Variants in CSDE1 observed in about 807,000 individuals in gnomAD.
The protein encoded by CSDE1 is cold shock domain-containing protein E1.
Under a neutral mutation model 89.3 loss-of-function variants are expected in CSDE1, and 17 were observed. The ratio of observed to expected loss-of-function variants is 0.19; its 90% confidence interval spans 0.13 to 0.29. The LOEUF is 0.29. Among genes scored for constraint, CSDE1 ranks in the 10% least tolerant of loss-of-function variants. The probability of loss-of-function intolerance (pLI) is 1.00; values close to 1 mark genes in which losing one functional copy is unlikely to be tolerated. For missense variants in CSDE1, 672 were observed against 984.2 expected, an observed-to-expected ratio of 0.68 and a Z score of 4.24; for synonymous variants, 322 against 332.8, an observed-to-expected ratio of 0.97 and a Z score of 0.35.
Position 114,726,208 on chromosome 1 carries a change from T to G in CSDE1, c.1640+3A>C. On this transcript the variant is annotated splice_donor_region_variant and intron_variant, in intron 14 of 19. Transcript: ENST00000358528. Reference sequence around the variant, plus strand: ...TGTAAAGTTCCTGAAAGTCACGCCTTACCTGTAATGGAAAAAGATTTCCTT... The same window carrying G: ...TGTAAAGTTCCTGAAAGTCACGCCTGACCTGTAATGGAAAAAGATTTCCTT... The G allele has an allele frequency of 6.2e-7, 1 of 1,603,658 alleles. No individual in the cohort carries two copies. The highest frequency in any genetic ancestry group is 8.5e-7 in the Non-Finnish European group (1 of 1,175,820).
intron 2 of CSDE1, among the ~76,000 whole-genome samples, chr1:114,749,293 CTTAT>C (rs1331531050): frequency 1.4e-5 from 1 of 73,422 alleles, no homozygotes; most frequent in African/African-American, 8.6e-5. Context: ...CCATTAGTAT[CTTAT>C]TCATTCGTTA....
At chr1:114,729,159 C>T (rs1052353633) in intron 12 of CSDE1, among the ~76,000 whole-genome samples, 1 of 152,012 alleles carries the variant, frequency 6.6e-6, no homozygotes, top group African/African-American at 2.4e-5. Context: ...AGTGCAATGG[C>T]GCCATCTCAG....
intron 1 of CSDE1, among the ~76,000 whole-genome samples, chr1:114,754,900 G>A (rs1292675552): frequency 6.6e-6 from 1 of 152,170 alleles, no homozygotes; most frequent in East Asian, 1.9e-4. Flanking sequence ...CAGGACAAAT[G>A]GCAGTGTGGG....
intron 6 of CSDE1, among the ~76,000 whole-genome samples, chr1:114,734,725 GT>G (rs1339430265): frequency 6.6e-6 from 1 of 152,086 alleles, no homozygotes; most frequent in Non-Finnish European, 1.5e-5. Flanking sequence ...AGCCTTCTAC[GT>G]TTGGCAAATA....
At chr1:114,720,442 G>T in intron 17 of CSDE1, 97 bp downstream of exon 17, 1 of 1,167,372 alleles carries the variant, frequency 8.6e-7, no homozygotes, top group Non-Finnish European at 1.2e-6. Flanking sequence ...AAAAACGAAT[G>T]AATGTTGATG....
In CSDE1 at chr1:114,718,123, C is replaced by A. The variant is rs1226662164; in HGVS notation, c.*46G>T. The A allele has an allele frequency of 6.2e-7, 1 of 1,605,532 alleles. No individual in the cohort carries two copies. Among genetic ancestry groups the A allele is most frequent in the South Asian group, 1.1e-5 (1 of 90,632 alleles). On this transcript the variant is annotated 3_prime_UTR_variant, in exon 20 of 20. Coordinates refer to ENST00000358528, the MANE Select transcript of CSDE1 (RefSeq NM_001007553.3). ...TATTCAGAACCCTTCACCAGATTCC[C>A]CCCAACTTGATCATAGTGGATTAAT...
intron 12 of CSDE1, among the ~76,000 whole-genome samples, chr1:114,729,276 T>A (rs1002296313): frequency 6.6e-6 from 1 of 152,064 alleles, no homozygotes; most frequent in African/African-American, 2.4e-5. Flanking sequence ...TTTTTTTGTA[T>A]TTTTAGTAGA....
intron 16 of CSDE1, among the ~76,000 whole-genome samples, chr1:114,723,465 T>C (rs1029688394): frequency 6.6e-6 from 1 of 152,170 alleles, no homozygotes; most frequent in Non-Finnish European, 1.5e-5. Context: ...ACAGATTATG[T>C]ACATATGTGT....
At chr1:114,721,772 G>C (rs978630905) in intron 16 of CSDE1, among the ~76,000 whole-genome samples, 9 of 152,054 alleles carry the variant, frequency 5.9e-5, no homozygotes, top group African/African-American at 1.9e-4. Context: ...TTTTTGTAGA[G>C]ACAGGGTTTT....
chr1:114,719,472 A>C (rs1296594072), intron 18 of CSDE1, 107 bp downstream of exon 18: 9 of 1,116,576 alleles, frequency 8.1e-6, no homozygotes, highest in Non-Finnish European at 1.3e-6. Flanking sequence ...TCAAGAAATA[A>C]TAAGTGGCAG....
chr1:114,737,853 A>G (rs990583301), intron 4 of CSDE1, 110 bp downstream of exon 4: 3 of 771,774 alleles, frequency 3.9e-6, no homozygotes, highest in African/African-American at 3.5e-5. Flanking sequence ...TTTATATACT[A>G]TAGCTCTCTT....
Position 114,718,099 on chromosome 1 carries a change from A to G in CSDE1, c.*70T>C. The G allele has an allele frequency of 1.9e-6, 3 of 1,539,522 alleles. No homozygotes were observed. The highest frequency in any genetic ancestry group is 2.7e-6 in the Non-Finnish European group (3 of 1,113,052). ...TTTCGGGAGGGATGAAGAGGGAGAT[A>G]TTCAGAACCCTTCACCAGATTCCCC... On this transcript the variant is annotated 3_prime_UTR_variant, in exon 20 of 20. Coordinates refer to ENST00000358528, the MANE Select transcript of CSDE1 (RefSeq NM_001007553.3).
intron 6 of CSDE1, among the ~76,000 whole-genome samples, chr1:114,735,729 T>C (rs1295499699): frequency 6.6e-6 from 1 of 152,176 alleles, no homozygotes. Context: ...TTCTCCAACT[T>C]TCTATTTTAA....
rs943385452 is a variant in CSDE1, at chr1:114,752,240, AAAAAC to A, written c.-387-2038_-387-2034del. Among the ~76,000 whole-genome samples the A allele has an allele frequency of 7.9e-5, 12 of 152,302 alleles. No individual in the cohort carries two copies. In the East Asian group the frequency reaches 9.7e-4, roughly 12 times the overall value. On this transcript the variant is annotated intron_variant, in intron 1 of 19. Transcript: ENST00000358528. ...GGAGACAGATCAGAACCTTGTCTCA[AAAAAC>A]AAAACAAAACAAAAACTCTCCAATT...
At chr1:114,724,627 C>T (rs964064561) in intron 15 of CSDE1, among the ~76,000 whole-genome samples, 2 of 152,082 alleles carry the variant, frequency 1.3e-5, no homozygotes, top group African/African-American at 4.8e-5. Flanking sequence ...TTTTAACTTC[C>T]CATTATTTTT....
chr1:114,736,874 T>C lies in CSDE1; in HGVS notation c.403-19A>G, dbSNP rs1401604907. ...ACACTTCCTGTGAATTAATAAATCATTATTACTATTTTGGCAGGATGCATA... is the reference window on the plus strand; with the variant it reads ...ACACTTCCTGTGAATTAATAAATCACTATTACTATTTTGGCAGGATGCATA... On this transcript the variant is annotated intron_variant, in intron 5 of 19. Transcript: ENST00000358528. 1 of 1,567,084 alleles carries C rather than the reference T, an allele frequency of 6.4e-7. No individual in the cohort carries two copies. Among genetic ancestry groups the C allele is most frequent in the Admixed American group, 1.7e-5 (1 of 59,472 alleles).
intron 2 of CSDE1, among the ~76,000 whole-genome samples, chr1:114,747,787 G>A (rs12136031): frequency 0.14 from 21,544 of 152,016 alleles, 2,112 homozygotes; most frequent in Non-Finnish European, 0.21. Flanking sequence ...GAACCTGGGA[G>A]GCAGAGGCTG....
intron 16 of CSDE1, among the ~76,000 whole-genome samples, chr1:114,722,237 C>T (rs1659566506): frequency 3.3e-5 from 5 of 152,074 alleles, no homozygotes; most frequent in African/African-American, 4.8e-5. Context: ...GGAGATAATC[C>T]AAAGAGATCA....
rs1301768319 is a variant in CSDE1 at position 114,737,103 on chromosome 1, CAG to C, written c.403-250_403-249del. Among the ~76,000 whole-genome samples the C allele has an allele frequency of 5.3e-5, 8 of 152,154 alleles. No individual in the cohort carries two copies. The East Asian group carries it at 1.5e-3, about 29-fold the overall frequency. The stretch of plus-strand genomic sequence containing the variant: ...GCTTACACACGTGGAAGCATTTGCC[CAG>C]AGACTATAGTTACATTTCAAAAAAA... On this transcript the variant is annotated intron_variant, in intron 5 of 19. Coordinates refer to ENST00000358528, the MANE Select transcript of CSDE1 (RefSeq NM_001007553.3).
Sources: gnomAD v4.1 joint callset for allele counts (sites outside exome capture counted in the v4.1 genomes callset) on GRCh38, gnomAD v4.1.1 for gene constraint, MANE v1.5 for transcripts, NCBI Gene and HGNC (gene_info 2026-07-23, HGNC 2026-07-21) for gene names.